Variants in LHFPL3 observed in about 807,000 individuals in gnomAD.
The protein encoded by LHFPL3 is LHFPL tetraspan subfamily member 3 protein.
A neutral mutation model predicts 19.3 loss-of-function variants in LHFPL3; 5 were observed. That is an observed-to-expected ratio of 0.26 (90% CI 0.14 to 0.54). LHFPL3 has a LOEUF of 0.54. Among genes scored for constraint, LHFPL3 ranks in the 20% least tolerant of loss-of-function variants. The probability of loss-of-function intolerance (pLI) is 0.94; values close to 1 mark genes in which losing one functional copy is unlikely to be tolerated. For synonymous variants in LHFPL3, 133 were observed against 126.2 expected (o/e 1.05, Z -0.36); for missense variants, 249 against 307.4 (o/e 0.81, Z 1.42).
intron 2 of LHFPL3, among the ~76,000 whole-genome samples, chr7:104,876,051 T>C (rs892532336): frequency 3.3e-5 from 5 of 152,226 alleles, no homozygotes; most frequent in African/African-American, 9.6e-5. Flanking sequence ...ATTTAATAAA[T>C]GGTGCTGGGA....
intron 1 of LHFPL3, among the ~76,000 whole-genome samples, chr7:104,488,133 A>G (rs1793272404): frequency 6.6e-6 from 1 of 152,230 alleles, no homozygotes; most frequent in Middle Eastern, 3.4e-3. Context: ...GTCATTTTCT[A>G]AGACCTCCCA....
intron 1 of LHFPL3, among the ~76,000 whole-genome samples, chr7:104,700,429 C>T (rs1460894552): frequency 1.3e-5 from 2 of 152,200 alleles, no homozygotes; most frequent in African/African-American, 4.8e-5. Context: ...GGATCTCTCC[C>T]TCTCCTGATC....
chr7:104,561,053 G>C (rs1789985797), intron 1 of LHFPL3, among the ~76,000 whole-genome samples: 2 of 151,798 alleles, frequency 1.3e-5, no homozygotes, highest in African/African-American at 4.9e-5. Context: ...GAGATAGTTT[G>C]TTATAATTTC....
At chr7:104,469,088 C>T (rs1274927557) in intron 1 of LHFPL3, among the ~76,000 whole-genome samples, 1 of 152,280 alleles carries the variant, frequency 6.6e-6, no homozygotes, top group Non-Finnish European at 1.5e-5. Flanking sequence ...AACCTTTGCC[C>T]AGTGGACATA....
intron 1 of LHFPL3, among the ~76,000 whole-genome samples, chr7:104,350,572 G>T (rs1047003909): frequency 1.3e-5 from 2 of 152,230 alleles, no homozygotes; most frequent in Admixed American, 1.3e-4. Context: ...CTTGCAGAGT[G>T]ATGGGCTGTT....
At chr7:104,783,496 T>G (rs913470259) in intron 2 of LHFPL3, among the ~76,000 whole-genome samples, 2 of 152,188 alleles carry the variant, frequency 1.3e-5, no homozygotes, top group African/African-American at 4.8e-5. Flanking sequence ...CACGTGTACA[T>G]CACAATCTTC....
At chr7:104,615,260 C>T (rs2115772999) in intron 1 of LHFPL3, among the ~76,000 whole-genome samples, 1 of 152,316 alleles carries the variant, frequency 6.6e-6, no homozygotes, top group Non-Finnish European at 1.5e-5. Context: ...TGGCATGTGT[C>T]TCTTTAAAAA....
intron 1 of LHFPL3, among the ~76,000 whole-genome samples, chr7:104,736,368 T>G (rs1385652162): frequency 6.6e-6 from 1 of 152,110 alleles, no homozygotes; most frequent in African/African-American, 2.4e-5. Flanking sequence ...ACCCCAAAAT[T>G]CCATTTCTTA....
intron 1 of LHFPL3, among the ~76,000 whole-genome samples, chr7:104,422,377 C>G (rs1791750735): frequency 6.6e-6 from 1 of 152,082 alleles, no homozygotes; most frequent in South Asian, 2.1e-4. Flanking sequence ...ACAACAACAA[C>G]AACAAGAACA....
At chr7:104,562,903 G>C (rs868433023) in intron 1 of LHFPL3, among the ~76,000 whole-genome samples, 27 of 152,032 alleles carry the variant, frequency 1.8e-4, no homozygotes, top group African/African-American at 3.9e-4. Flanking sequence ...TTCTAACAGA[G>C]AGGACCCTCA....
At chr7:104,795,472 C>A (rs973141501) in intron 2 of LHFPL3, among the ~76,000 whole-genome samples, 2 of 152,126 alleles carry the variant, frequency 1.3e-5, no homozygotes. Flanking sequence ...AGTTTGTATG[C>A]CTCAATTGTA....
intron 1 of LHFPL3, among the ~76,000 whole-genome samples, chr7:104,488,234 A>G (rs182021613): frequency 1.1e-3 from 162 of 152,292 alleles, no homozygotes; most frequent in Non-Finnish European, 2.0e-3. Flanking sequence ...TTTTGGCAAC[A>G]CTTACAAATA....
At chr7:104,397,340 A>G (rs1399964669) in intron 1 of LHFPL3, among the ~76,000 whole-genome samples, 1 of 152,166 alleles carries the variant, frequency 6.6e-6, no homozygotes, top group East Asian at 1.9e-4. Flanking sequence ...ACTTTACCAT[A>G]TTCTTCCTAA....
intron 1 of LHFPL3, among the ~76,000 whole-genome samples, chr7:104,716,106 T>G (rs1490098001): frequency 6.6e-6 from 1 of 152,048 alleles, no homozygotes; most frequent in Non-Finnish European, 1.5e-5. Context: ...CCCAGCACTT[T>G]GGGAGGCCGA....
intron 1 of LHFPL3, among the ~76,000 whole-genome samples, chr7:104,666,798 A>C (rs917080865): frequency 6.6e-6 from 1 of 151,924 alleles, no homozygotes; most frequent in Non-Finnish European, 1.5e-5. Flanking sequence ...CTGGGATTAC[A>C]GGCGTGAGCC....
chr7:104,753,065 G>A (rs965199747), intron 2 of LHFPL3, among the ~76,000 whole-genome samples: 3 of 152,158 alleles, frequency 2.0e-5, no homozygotes, highest in Admixed American at 1.3e-4. Context: ...TTAAGTAAAT[G>A]CAATGCAATT....
At chr7:104,742,962 CA>C (rs928204682) in intron 2 of LHFPL3, among the ~76,000 whole-genome samples, 30 of 150,744 alleles carry the variant, frequency 2.0e-4, no homozygotes, top group African/African-American at 3.9e-4. Context: ...ATTAAAAATA[CA>C]AAAAAAAATT....
intron 1 of LHFPL3, among the ~76,000 whole-genome samples, chr7:104,659,591 G>A (rs1399449140): frequency 6.6e-6 from 1 of 152,122 alleles, no homozygotes; most frequent in Non-Finnish European, 1.5e-5. Flanking sequence ...CAGGATTAGG[G>A]GAATGATTTG....
chr7:104,356,809 G>T (rs1238548809), intron 1 of LHFPL3, among the ~76,000 whole-genome samples: 1 of 152,194 alleles, frequency 6.6e-6, no homozygotes, highest in African/African-American at 2.4e-5. Context: ...AGTAGAATGT[G>T]CTAAATGGCC....
Sources: allele counts gnomAD v4.1 joint callset (sites outside exome capture counted in the v4.1 genomes callset), GRCh38; gene constraint gnomAD v4.1.1; transcripts MANE v1.5; gene names NCBI Gene and HGNC (gene_info 2026-07-23, HGNC 2026-07-21).